Variants in ERC2 observed in about 807,000 individuals in gnomAD.
ERC2 encodes the protein ELKS/RAB6-interacting/CAST family member 2, also known as ERC protein 2.
In ERC2, 42 loss-of-function variants were observed where a neutral mutation model predicts 114.8. That is an observed-to-expected ratio of 0.37 (90% CI 0.29 to 0.47). The LOEUF (loss-of-function observed/expected upper bound fraction) is 0.47. Among genes scored for constraint, ERC2 ranks in the 20% least tolerant of loss-of-function variants. The pLI, the probability that ERC2 is intolerant of heterozygous loss-of-function variation, is 0.99. For missense variants in ERC2, 939 were observed against 1,150.7 expected, an observed-to-expected ratio of 0.82 and a Z score of 2.66; for synonymous variants, 454 against 425.5, an observed-to-expected ratio of 1.07 and a Z score of -0.82.
chr3:55,986,110 T>G, intron 11 of ERC2, 122 bp from the exon 12 acceptor site: 1 of 946,216 alleles, frequency 1.1e-6, no homozygotes, highest in South Asian at 1.5e-5. Flanking sequence ...AGATGTTATA[T>G]CAGCAGGTTT....
chr3:55,555,940 T>A (rs1575574213), intron 17 of ERC2, among the ~76,000 whole-genome samples: 2 of 152,142 alleles, frequency 1.3e-5, no homozygotes, highest in East Asian at 3.9e-4. Flanking sequence ...ACCCAGGGAC[T>A]TGAGGAACCT....
At chr3:55,714,651 G>GTATATATATATA (rs2063973526) in intron 15 of ERC2, among the ~76,000 whole-genome samples, 2 of 67,570 alleles carry the variant, frequency 3.0e-5, no homozygotes, top group Non-Finnish European at 5.2e-5. Flanking sequence ...GTGTGTGTGT[G>GTATATATATATA]TGTGTGTGTG....
At chr3:55,992,549 G>A (rs1338416935) in intron 10 of ERC2, among the ~76,000 whole-genome samples, 1 of 152,182 alleles carries the variant, frequency 6.6e-6, no homozygotes, top group African/African-American at 2.4e-5. Context: ...GTTAGATACT[G>A]TGATGTCTTT....
intron 2 of ERC2, among the ~76,000 whole-genome samples, chr3:56,358,274 C>A (rs1432941518): frequency 6.6e-6 from 1 of 152,154 alleles, no homozygotes; most frequent in Non-Finnish European, 1.5e-5. Context: ...TAGTCCCCAT[C>A]CTCCTCTCTT....
intron 14 of ERC2, among the ~76,000 whole-genome samples, chr3:55,811,311 C>T (rs948015417): frequency 1.1e-4 from 16 of 152,150 alleles, no homozygotes; most frequent in African/African-American, 3.6e-4. Flanking sequence ...CATTAAAGAA[C>T]ATCATCTTTC....
chr3:55,586,360 T>C (rs148657562), intron 17 of ERC2, among the ~76,000 whole-genome samples: 2 of 152,356 alleles, frequency 1.3e-5, no homozygotes, highest in African/African-American at 4.8e-5. Flanking sequence ...TTTGGGAAAA[T>C]AGTTTAGTGT....
chr3:55,717,238 T>C (rs926770424), intron 15 of ERC2, among the ~76,000 whole-genome samples: 1 of 152,186 alleles, frequency 6.6e-6, no homozygotes, highest in South Asian at 2.1e-4. Context: ...TAATCATCTG[T>C]ATCATTTTTA....
intron 14 of ERC2, among the ~76,000 whole-genome samples, chr3:55,877,841 T>C (rs1012437034): frequency 5.3e-5 from 8 of 152,132 alleles, no homozygotes; most frequent in Admixed American, 2.0e-4. Context: ...TACTCTCGGC[T>C]CCTTAGTGTT....
chr3:56,211,661 G>T (rs144141011), intron 3 of ERC2, among the ~76,000 whole-genome samples: 16 of 151,956 alleles, frequency 1.1e-4, no homozygotes, highest in Middle Eastern at 3.4e-3. Flanking sequence ...TAAGCAAAAA[G>T]AACAAATCCG....
At chr3:56,232,740 A>T (rs1295385422) in intron 3 of ERC2, among the ~76,000 whole-genome samples, 2 of 152,190 alleles carry the variant, frequency 1.3e-5, no homozygotes, top group Non-Finnish European at 2.9e-5. Flanking sequence ...ATTCACTCCC[A>T]ATTTAAAATG....
At chr3:56,159,963 T>C (rs146119247) in intron 4 of ERC2, among the ~76,000 whole-genome samples, 108 of 152,354 alleles carry the variant, frequency 7.1e-4, no homozygotes, top group African/African-American at 2.5e-3. Flanking sequence ...ACTGTTGCGA[T>C]GAACATTTAA....
chr3:55,836,626 C>T (rs902142149), intron 14 of ERC2, among the ~76,000 whole-genome samples: 90 of 152,096 alleles, frequency 5.9e-4, no homozygotes, highest in South Asian at 4.0e-3. Context: ...AAGACTTAAA[C>T]GTTAGACCTA....
intron 2 of ERC2, among the ~76,000 whole-genome samples, chr3:56,344,725 C>T (rs2316895): frequency 2.6e-5 from 4 of 152,164 alleles, no homozygotes; most frequent in African/African-American, 7.2e-5. Flanking sequence ...AGTTGATGGC[C>T]TCATGCTCTG....
chr3:55,812,647 C>A (rs919010111), intron 14 of ERC2, among the ~76,000 whole-genome samples: 1 of 152,096 alleles, frequency 6.6e-6, no homozygotes. Context: ...TACTTAAAAG[C>A]GGGGGAAGGG....
At chr3:55,657,513 T>C (rs2060926251) in intron 17 of ERC2, 1 of 152,260 alleles carries the variant, frequency 6.6e-6, no homozygotes, top group Admixed American at 6.5e-5. Flanking sequence ...TGGAATGCAG[T>C]GGCATGATCT....
At chr3:55,652,589 G>A (rs954279082) in intron 17 of ERC2, among the ~76,000 whole-genome samples, 2 of 152,096 alleles carry the variant, frequency 1.3e-5, no homozygotes, top group South Asian at 4.2e-4. Context: ...AGAAGTGCAC[G>A]TTGGCCGGGT....
At chr3:55,530,106 A>C (rs1380261204) in intron 17 of ERC2, among the ~76,000 whole-genome samples, 2 of 152,228 alleles carry the variant, frequency 1.3e-5, no homozygotes, top group Non-Finnish European at 2.9e-5. Context: ...ATGAATCAAC[A>C]AATGAGTGGA....
chr3:55,546,067 A>T (rs902803814), intron 17 of ERC2, among the ~76,000 whole-genome samples: 4 of 152,214 alleles, frequency 2.6e-5, no homozygotes, highest in African/African-American at 9.6e-5. Flanking sequence ...ATCCTGACCT[A>T]TGCAGTATGG....
chr3:55,893,403 T>C (rs557223812), intron 13 of ERC2, among the ~76,000 whole-genome samples: 2 of 152,320 alleles, frequency 1.3e-5, no homozygotes, highest in South Asian at 4.1e-4. Flanking sequence ...TCTATGTAGA[T>C]GTCTCTCCAA....
Sources: allele counts gnomAD v4.1 joint callset (sites outside exome capture counted in the v4.1 genomes callset), GRCh38; gene constraint gnomAD v4.1.1; transcripts MANE v1.5; gene names NCBI Gene and HGNC (gene_info 2026-07-23, HGNC 2026-07-21).